GSTO2: variants seen among roughly 807,000 people sequenced by gnomAD.
GSTO2 encodes the protein glutathione S-transferase omega 2.
In GSTO2, 23 loss-of-function variants were observed where a neutral mutation model predicts 28.4. That is an observed-to-expected ratio of 0.81 (90% CI 0.58 to 1.15). The LOEUF is 1.15. GSTO2 is among the 50% of genes most tolerant of loss of function. The pLI is 0.00. For missense variants in GSTO2, 298 were observed against 297.8 expected (o/e 1.00, Z 0.00); for synonymous variants, 109 against 111.0 (o/e 0.98, Z 0.11).
intron 5 of GSTO2, chr10:104,286,036 CTAAGT>C (rs1474682706): frequency 1.9e-5 from 5 of 265,676 alleles, no homozygotes; most frequent in Non-Finnish European, 3.9e-5. Context: ...TTTTTATCAT[CTAAGT>C]TAACATGTCT....
intron 3 of GSTO2, among the ~76,000 whole-genome samples, chr10:104,277,300 T>G (rs1480280098): frequency 1.3e-5 from 2 of 152,112 alleles, no homozygotes; most frequent in Non-Finnish European, 2.9e-5. Context: ...ACTACTTTTT[T>G]TTTTTTTTAG....
chr10:104,290,793 A>G (rs2012727324), intron 5 of GSTO2, among the ~76,000 whole-genome samples: 2 of 151,128 alleles, frequency 1.3e-5, no homozygotes, highest in African/African-American at 5.0e-5. Flanking sequence ...AATGGGTACA[A>G]AAAACAGAAA....
chr10:104,299,370 T>C lies in GSTO2; in HGVS notation c.*86T>C. The C allele has an allele frequency of 7.1e-7, 1 of 1,413,038 alleles. No homozygotes were observed. The highest frequency in any genetic ancestry group is 9.6e-7 in the Non-Finnish European group (1 of 1,039,480). 87.5% of individuals were successfully genotyped at this position (1,413,038 alleles called of 1,614,324 possible). A position where few individuals can be genotyped will look rare whatever the true frequency, so the allele number is the denominator to read the frequency against. ...GGCTTGTCTTGGGAACCAATCCGTC[T>C]CTCTTTCTTTTCTTTGAAGTTCCCA... On this transcript the variant is annotated 3_prime_UTR_variant, in exon 7 of 7. Transcript: ENST00000338595.
At chr10:104,292,326 C>CT (rs2012815217) in intron 5 of GSTO2, among the ~76,000 whole-genome samples, 1 of 151,306 alleles carries the variant, frequency 6.6e-6, no homozygotes, top group Non-Finnish European at 1.5e-5. Flanking sequence ...ACCCAGCTAA[C>CT]TTTTTTTATT....
At chr10:104,284,556 TTGC>T (rs752068751) in intron 5 of GSTO2, among the ~76,000 whole-genome samples, 1 of 152,244 alleles carries the variant, frequency 6.6e-6, no homozygotes, top group Non-Finnish European at 1.5e-5. Context: ...TTGTCTTGTC[TTGC>T]TGCACTTTAT....
At chr10:104,275,422 C>A (rs2135091399) in intron 3 of GSTO2, 88 bp downstream of exon 3, 1 of 1,204,428 alleles carries the variant, frequency 8.3e-7, no homozygotes, top group Non-Finnish European at 1.2e-6. Flanking sequence ...CCCTGCTCAG[C>A]TTTTACAAGG....
At position 104,297,666 on chromosome 10, in the gene GSTO2, A is replaced by T; in HGVS notation, c.557A>T (p.Asp186Val). The T allele has an allele frequency of 6.2e-7, 1 of 1,612,124 alleles. No homozygotes were observed. The highest frequency in any genetic ancestry group is 8.5e-7 in the Non-Finnish European group (1 of 1,178,344). Reference sequence around the variant, plus strand: ...CTCTGGCCCTGGTTTGAGCGGCTGGATGTGTATGGGATACTGGAGTAAGAC... The same window carrying T: ...CTCTGGCCCTGGTTTGAGCGGCTGGTTGTGTATGGGATACTGGAGTAAGAC... ...YLLWPWFERL[D>V]VYGILDCVSH... Residue 186 changes from aspartate to valine, a missense_variant, in exon 6 of 7, where the codon GAT becomes GTT. Coordinates refer to ENST00000338595, the MANE Select transcript of GSTO2 (RefSeq NM_183239.2).
chr10:104,280,115 A>G (rs754127978), intron 5 of GSTO2, among the ~76,000 whole-genome samples: 11 of 140,924 alleles, frequency 7.8e-5, no homozygotes, highest in Non-Finnish European at 1.2e-4. Context: ...GCAGTGAGCC[A>G]TGATTGCACC....
chr10:104,269,405 A>G (rs1261347908), intron 1 of GSTO2, 136 bp downstream of exon 1: 1 of 152,256 alleles, frequency 6.6e-6, no homozygotes, highest in Non-Finnish European at 1.5e-5. Context: ...TTTACGAGAA[A>G]TCCTATTTAG....
intron 5 of GSTO2, chr10:104,297,355 A>C (rs34353706): frequency 0.036 from 13,969 of 384,256 alleles, 427 homozygotes; most frequent in South Asian, 0.11. Context: ...CTGTCACTCT[A>C]GTGTTGAAAG....
Position 104,300,203 on chromosome 10 carries a change from A to G in GSTO2, c.*919A>G, listed in dbSNP as rs780450951. The stretch of plus-strand genomic sequence containing the variant: ...CCAGGACTAACTACGTCAGAATTTC[A>G]CTGGTGCTGTCAGGGCTCAGGATGT... On this transcript the variant is annotated 3_prime_UTR_variant, in exon 7 of 7. Transcript: ENST00000338595. 2 of 152,228 alleles carry G rather than the reference A, an allele frequency of 1.3e-5. No individual in the cohort carries two copies. The highest frequency in any genetic ancestry group is 2.4e-5 in the African/African-American group (1 of 41,458). 9.4% of individuals were successfully genotyped at this position (152,228 alleles called of 1,614,324 possible).
chr10:104,298,661 AG>A (rs768008082), intron 6 of GSTO2, among the ~76,000 whole-genome samples: 1 of 152,166 alleles, frequency 6.6e-6, no homozygotes, highest in Non-Finnish European at 1.5e-5. Context: ...CATGACTTCA[AG>A]GTTTCATCCT....
chr10:104,282,098 G>A (rs1031671497), intron 5 of GSTO2, among the ~76,000 whole-genome samples: 4 of 151,788 alleles, frequency 2.6e-5, no homozygotes, highest in Admixed American at 1.3e-4. Context: ...TCAAGCAGGA[G>A]AGTGGTGTAC....
chr10:104,303,613 A>T lies in GSTO2; in HGVS notation c.*4329A>T, dbSNP rs749275856. 5 of 152,244 alleles carry T rather than the reference A, an allele frequency of 3.3e-5. No individual in the cohort carries two copies. The highest frequency in any genetic ancestry group is 7.3e-5 in the Non-Finnish European group (5 of 68,038). 9.4% of individuals were successfully genotyped at this position (152,244 alleles called of 1,614,324 possible). ...AAGTTTGGAGAATTTGCAGCCAGCT[A>T]TGTGGTAGAAAAGAAGAGCCCGTTT... On this transcript the variant is annotated 3_prime_UTR_variant, in exon 7 of 7. Coordinates refer to ENST00000338595, the MANE Select transcript of GSTO2 (RefSeq NM_183239.2).
chr10:104,275,186 G>C (rs1037466673), intron 2 of GSTO2, 40 bp from the exon 3 acceptor site: 1 of 1,579,016 alleles, frequency 6.3e-7, no homozygotes, highest in Non-Finnish European at 8.6e-7. Context: ...GGGCTGACTA[G>C]CCTCTCCTTT....
intron 5 of GSTO2, among the ~76,000 whole-genome samples, chr10:104,290,965 A>G (rs1194662221): frequency 6.6e-6 from 1 of 152,210 alleles, no homozygotes; most frequent in Admixed American, 6.5e-5. Flanking sequence ...TGATGTGCTT[A>G]TTGCATACTG....
At chr10:104,287,445 A>C (rs2012500286) in intron 5 of GSTO2, among the ~76,000 whole-genome samples, 1 of 152,256 alleles carries the variant, frequency 6.6e-6, no homozygotes, top group Non-Finnish European at 1.5e-5. Flanking sequence ...CAAATTAGGA[A>C]ACAATATTCA....
chr10:104,277,973 C>T lies in GSTO2; in HGVS notation c.223C>T (p.Leu75=), dbSNP rs2011741324. 2 of 1,613,842 alleles carry T rather than the reference C, an allele frequency of 1.2e-6. No homozygotes were observed. The highest frequency in any genetic ancestry group is 1.7e-5 in the Admixed American group (1 of 60,002). ...TKHPFGHIPV[L]ETSQCQLIYE... ...GCACCCTTTTGGCCACATTCCTGTCCTGGAGACCAGCCAATGTCAACTGAT... is the reference window on the plus strand; with the variant it reads ...GCACCCTTTTGGCCACATTCCTGTCTTGGAGACCAGCCAATGTCAACTGAT... Residue 75 remains leucine, a synonymous_variant, in exon 4 of 7, where the codon CTG becomes TTG. Coordinates refer to ENST00000338595, the MANE Select transcript of GSTO2 (RefSeq NM_183239.2).
intron 5 of GSTO2, among the ~76,000 whole-genome samples, chr10:104,285,411 G>A (rs920950748): frequency 6.6e-6 from 1 of 151,882 alleles, no homozygotes; most frequent in Non-Finnish European, 1.5e-5. Context: ...TGGGATTACA[G>A]GCTGAAGCCA....
Sources: gnomAD v4.1 joint callset for allele counts (sites outside exome capture counted in the v4.1 genomes callset) on GRCh38, gnomAD v4.1.1 for gene constraint, MANE v1.5 for transcripts, NCBI Gene and HGNC (gene_info 2026-07-23, HGNC 2026-07-21) for gene names.